The following DPH6 variants were observed in gnomAD, a reference collection of about 807,000 sequenced individuals.
DPH6 encodes diphthine--ammonia ligase.
A neutral mutation model predicts 38.2 loss-of-function variants in DPH6; 33 were observed. That is an observed-to-expected ratio of 0.86 (90% CI 0.65 to 1.15). DPH6 has a LOEUF of 1.15. DPH6 is among the 50% of genes most tolerant of loss of function. The pLI is 0.00. For missense variants in DPH6, 325 were observed against 320.0 expected (o/e 1.02, Z -0.12); for synonymous variants, 108 against 103.0 (o/e 1.05, Z -0.30).
At chr15:35,459,139 A>T (rs999265595) in intron 3 of DPH6, among the ~76,000 whole-genome samples, 3 of 152,224 alleles carry the variant, frequency 2.0e-5, no homozygotes, top group Non-Finnish European at 2.9e-5. Flanking sequence ...TACCATGTAG[A>T]CTGGGTTGCT....
intron 3 of DPH6, among the ~76,000 whole-genome samples, chr15:35,361,154 C>A (rs975738786): frequency 3.3e-5 from 5 of 152,236 alleles, no homozygotes; most frequent in African/African-American, 1.2e-4. Context: ...GCAGCTGAGG[C>A]CACTGTCAGC....
chr15:35,372,746 G>A (rs1203291703), intron 8 of DPH6, among the ~76,000 whole-genome samples: 1 of 151,734 alleles, frequency 6.6e-6, no homozygotes, highest in African/African-American at 2.4e-5. Flanking sequence ...TACTTTTGCC[G>A]AATTCTTGTT....
chr15:35,252,255 C>T (rs2051680031), intron 3 of DPH6, among the ~76,000 whole-genome samples: 1 of 152,156 alleles, frequency 6.6e-6, no homozygotes, highest in Admixed American at 6.5e-5. Context: ...TTATTACACC[C>T]ACTTATAGAT....
In DPH6 at chr15:35,325,553, C is replaced by T. The variant is rs529121337; in HGVS notation, n.200+47968G>A. Among the ~76,000 whole-genome samples the T allele has an allele frequency of 2.0e-5, 3 of 152,268 alleles. No individual in the cohort carries two copies. The East Asian group carries it at 5.8e-4, about 29-fold the overall frequency. The stretch of plus-strand genomic sequence containing the variant: ...AACATAAAAGCTAAACCTAACCTCA[C>T]TCCATCCATAAAAATCAGCTGGGGG... On this transcript the variant is annotated intron_variant and non_coding_transcript_variant, in intron 3 of 3. Transcript: ENST00000560386.
chr15:35,211,197 C>T, the DPH6 span, among the ~76,000 whole-genome samples: 39 of 151,968 alleles, frequency 2.6e-4, no homozygotes, highest in African/African-American at 8.9e-4. Context: ...ATATAGATCC[C>T]GAATACAGAG....
At chr15:35,161,503 T>C in the DPH6 span, among the ~76,000 whole-genome samples, 1 of 151,928 alleles carries the variant, frequency 6.6e-6, no homozygotes, top group South Asian at 2.1e-4. Context: ...CATATCTCCC[T>C]GTTATGGACT....
At chr15:35,441,471 T>C (rs1248685100) in intron 5 of DPH6, among the ~76,000 whole-genome samples, 3 of 152,202 alleles carry the variant, frequency 2.0e-5, no homozygotes, top group East Asian at 3.8e-4. Context: ...CATGGAGTAC[T>C]ATGCAGCCAT....
At position 35,399,694 on chromosome 15, in the gene DPH6, G is replaced by GGCTTTTCA. The variant is rs1366446628; in HGVS notation, c.567+11133_567+11140dup. On this transcript the variant is annotated intron_variant, in intron 6 of 8. Coordinates refer to ENST00000256538, the MANE Select transcript of DPH6 (RefSeq NM_080650.4). Reference sequence around the variant, plus strand: ...TTAGTCAGGAATCAGAATGGCTTTGGGCTTTTCAACAGTACACCAAGCTAC... The same window carrying GGCTTTTCA: ...TTAGTCAGGAATCAGAATGGCTTTGGGCTTTTCAGCTTTTCAACAGTACACCAAGCTAC... Among the ~76,000 whole-genome samples the GGCTTTTCA allele has an allele frequency of 3.3e-5, 5 of 152,240 alleles. No homozygotes were observed. In the East Asian group the frequency reaches 9.7e-4, roughly 29 times the overall value.
At chr15:35,438,527 A>C (rs2053746162) in intron 5 of DPH6, among the ~76,000 whole-genome samples, 1 of 152,166 alleles carries the variant, frequency 6.6e-6, no homozygotes, top group Non-Finnish European at 1.5e-5. Context: ...TAGAAACTGC[A>C]TGCTTTCCTA....
In DPH6 at chr15:35,423,194, C is replaced by T. The variant is rs977955455; in HGVS notation, c.506-12298G>A. 3.3e-5 allele frequency among the ~76,000 whole-genome samples: 5 copies of T among 151,828 alleles called. No homozygotes were observed. In the South Asian group the frequency reaches 6.2e-4, roughly 19 times the overall value. ...TTCCCACCAACAGTATACAAGGGTT[C>T]CCTTTTCTCCAACACTTATCTTTCA... On this transcript the variant is annotated intron_variant, in intron 5 of 8. Transcript: ENST00000256538.
chr15:35,155,944 T>C, the DPH6 span, among the ~76,000 whole-genome samples: 8 of 152,310 alleles, frequency 5.3e-5, no homozygotes, highest in East Asian at 1.3e-3. Context: ...TCATCTTTTT[T>C]AGTGATATGG....
intron 5 of DPH6, among the ~76,000 whole-genome samples, chr15:35,446,193 A>C (rs761524105): frequency 4.0e-5 from 6 of 151,094 alleles, no homozygotes; most frequent in Non-Finnish European, 8.8e-5. Flanking sequence ...AATACAGTAC[A>C]GTACTATAAG....
intron 3 of DPH6, among the ~76,000 whole-genome samples, chr15:35,310,977 T>G (rs931667114): frequency 6.6e-6 from 1 of 151,764 alleles, no homozygotes; most frequent in African/African-American, 2.4e-5. Context: ...GAGAATCGCT[T>G]GAACCCGGGA....
At chr15:35,495,757 C>G (rs1264245233) in intron 3 of DPH6, among the ~76,000 whole-genome samples, 1 of 152,048 alleles carries the variant, frequency 6.6e-6, no homozygotes, top group Non-Finnish European at 1.5e-5. Flanking sequence ...TTATGGCACT[C>G]TTAAAAAGGA....
chr15:35,149,555 C>G, the DPH6 span, among the ~76,000 whole-genome samples: 1 of 152,140 alleles, frequency 6.6e-6, no homozygotes, highest in Non-Finnish European at 1.5e-5. Flanking sequence ...CTTCTTTAGT[C>G]AAGCTACTTA....
intron 1 of DPH6, 132 bp from the exon 2 acceptor site, chr15:35,542,639 AT>A (rs1355060528): frequency 1.8e-5 from 15 of 851,450 alleles, no homozygotes; most frequent in Non-Finnish European, 1.2e-5. Flanking sequence ...AAAAAAACCC[AT>A]TAATTTCTAA....
rs1255986773 is a variant in DPH6 at position 35,259,555 on chromosome 15, A to G, written n.201-38973T>C. ...AACATGTTCTACATTTCGTTTTTAT[A>G]TTTGAAATAGTGACGACACTGAAAA... On this transcript the variant is annotated intron_variant and non_coding_transcript_variant, in intron 3 of 3. Coordinates refer to the DPH6 transcript ENST00000560386. 2.0e-5 allele frequency among the ~76,000 whole-genome samples: 3 copies of G among 152,364 alleles called. No individual in the cohort carries two copies. In the East Asian group the frequency reaches 5.8e-4, roughly 29 times the overall value.
intron 3 of DPH6, among the ~76,000 whole-genome samples, chr15:35,532,152 T>G (rs2055098389): frequency 6.6e-6 from 1 of 152,182 alleles, no homozygotes; most frequent in Non-Finnish European, 1.5e-5. Flanking sequence ...CATTATAACT[T>G]GATCCCAGAG....
chr15:35,461,147 T>C (rs2054062050), intron 3 of DPH6, among the ~76,000 whole-genome samples: 1 of 152,166 alleles, frequency 6.6e-6, no homozygotes, highest in African/African-American at 2.4e-5. Flanking sequence ...TGCAGTGGCG[T>C]GATCTTGGCT....
Sources: gnomAD v4.1 joint callset for allele counts (sites outside exome capture counted in the v4.1 genomes callset) on GRCh38, gnomAD v4.1.1 for gene constraint, MANE v1.5 for transcripts, NCBI Gene and HGNC (gene_info 2026-07-23, HGNC 2026-07-21) for gene names.